Variants in ATP2C2 observed in about 807,000 individuals in gnomAD.
The protein encoded by ATP2C2 is calcium-transporting ATPase type 2C member 2.
In ATP2C2, 171 loss-of-function variants were observed where a neutral mutation model predicts 110.8. That is an observed-to-expected ratio of 1.54 (90% CI 1.36 to 1.75). The LOEUF is 1.75. Among genes scored for constraint, ATP2C2 ranks in the 40% most tolerant of loss-of-function variants. ATP2C2 has a pLI of 0.00. For missense variants in ATP2C2, 1,963 were observed against 1,235.0 expected, an observed-to-expected ratio of 1.59 and a Z score of -8.84; for synonymous variants, 804 against 508.4, an observed-to-expected ratio of 1.58 and a Z score of -7.82.
chr16:84,453,826 GCTAT>G (rs767176863), intron 20 of ATP2C2, among the ~76,000 whole-genome samples: 142 of 151,106 alleles, frequency 9.4e-4, no homozygotes, highest in Non-Finnish European at 1.6e-3. Context: ...TAAAAGAGAA[GCTAT>G]CTTTTTTTTT....
intron 1 of ATP2C2, among the ~76,000 whole-genome samples, chr16:84,381,283 G>C (rs1358910771): frequency 6.6e-6 from 1 of 152,204 alleles, no homozygotes; most frequent in Non-Finnish European, 1.5e-5. Flanking sequence ...AGTGTCATCA[G>C]TTAAGGCTAT....
At chr16:84,453,476 C>T (rs1057098410) in intron 20 of ATP2C2, 105 bp downstream of exon 20, 54 of 1,451,736 alleles carry the variant, frequency 3.7e-5, no homozygotes, top group Middle Eastern at 1.9e-4. Context: ...AGGGCCCGAC[C>T]GTGGCTTCCT....
At chr16:84,394,851 C>T (rs1296847360) in intron 1 of ATP2C2, among the ~76,000 whole-genome samples, 2 of 152,226 alleles carry the variant, frequency 1.3e-5, no homozygotes, top group East Asian at 3.9e-4. Context: ...CATATTTGAC[C>T]TCATCTGACC....
chr16:84,412,560 G>A (rs75880954), intron 6 of ATP2C2, among the ~76,000 whole-genome samples: 72,998 of 151,136 alleles, frequency 0.48, 18,420 homozygotes, highest in Non-Finnish European at 0.56. Flanking sequence ...GTGTGTGTGT[G>A]TGTGTGTGTA....
Position 84,408,444 on chromosome 16 carries a change from C to G in ATP2C2, c.367C>G (p.Leu123Val). Residue 123 changes from leucine to valine, a missense_variant, in exon 4 of 27, where the codon CTG (leucine) becomes GTG (valine). By Grantham distance (32) the Leu-to-Val change is conservative. Coordinates refer to ENST00000262429, the MANE Select transcript of ATP2C2 (RefSeq NM_014861.4). ...PLILLLLGSA[L>V]VSVLTKEYED... ...GATCCTGCTGCTGCTGGGCTCTGCCCTGGTGAGTGTCCTCACCAAGGAGTA... is the reference window on the plus strand; with the variant it reads ...GATCCTGCTGCTGCTGGGCTCTGCCGTGGTGAGTGTCCTCACCAAGGAGTA... 6.2e-7 allele frequency: 1 copy of G among 1,613,900 alleles called. No homozygotes were observed.
intron 20 of ATP2C2, 57 bp from the exon 21 acceptor site, chr16:84,454,761 C>CG: frequency 6.6e-7 from 1 of 1,506,214 alleles, no homozygotes; most frequent in Non-Finnish European, 8.9e-7. Context: ...TGTGCATGGC[C>CG]GGGCACTGGG....
chr16:84,408,257 G>A, intron 3 of ATP2C2, 148 bp from the exon 4 acceptor site: 1 of 687,832 alleles, frequency 1.5e-6, no homozygotes, highest in East Asian at 2.7e-5. Context: ...GCATGGGGGT[G>A]GTCTCCCCAG....
At chr16:84,370,392 G>C (rs1201168654) in intron 1 of ATP2C2, among the ~76,000 whole-genome samples, 3 of 152,224 alleles carry the variant, frequency 2.0e-5, no homozygotes, top group African/African-American at 7.2e-5. Flanking sequence ...CCAAAGGCCA[G>C]CTGAGAAAGA....
At chr16:84,389,349 G>A (rs8048544) in intron 1 of ATP2C2, among the ~76,000 whole-genome samples, 4,790 of 152,242 alleles carry the variant, frequency 0.031, 249 homozygotes, top group African/African-American at 0.11. Context: ...CATCTCCTTC[G>A]TTGTTAGCTG....
At chr16:84,387,444 G>A (rs939229063) in intron 1 of ATP2C2, among the ~76,000 whole-genome samples, 3 of 152,060 alleles carry the variant, frequency 2.0e-5, no homozygotes, top group South Asian at 2.1e-4. Context: ...CCAGGGAGGC[G>A]GAGGTTGCAG....
chr16:84,371,730 G>A (rs1909965585), intron 1 of ATP2C2, among the ~76,000 whole-genome samples: 1 of 152,220 alleles, frequency 6.6e-6, no homozygotes, highest in Non-Finnish European at 1.5e-5. Context: ...CTTCCTGGCT[G>A]GTGAGCAGAT....
intron 13 of ATP2C2, 76 bp from the exon 14 acceptor site, chr16:84,440,781 G>C (rs1909175086): frequency 9.0e-7 from 1 of 1,111,462 alleles, no homozygotes; most frequent in Admixed American, 2.0e-5. Context: ...GGATCCCCAG[G>C]ACAGAGATTG....
intron 11 of ATP2C2, among the ~76,000 whole-genome samples, chr16:84,426,771 T>C (rs1354966960): frequency 6.6e-6 from 1 of 152,110 alleles, no homozygotes; most frequent in East Asian, 1.9e-4. Context: ...AGAGCGGCAA[T>C]GGATGTAGAG....
chr16:84,460,547 C>G (rs1432397837), intron 23 of ATP2C2, 107 bp from the exon 24 acceptor site: 1 of 1,519,720 alleles, frequency 6.6e-7, no homozygotes, highest in East Asian at 2.3e-5. Context: ...ATGCCTGGCC[C>G]TGCCCCCTGT....
chr16:84,459,306 C>A lies in ATP2C2; in HGVS notation c.2253C>A (p.Thr751=), dbSNP rs371639847. The A allele has an allele frequency of 5.0e-6, 8 of 1,614,092 alleles. No homozygotes were observed. In the Admixed American group the frequency reaches 1.0e-4, roughly 20 times the overall value. The stretch of plus-strand genomic sequence containing the variant: ...CCCTGAGTCTCATCACTCTGTCCAC[C>A]GTGTTCAACCTGCCCAGCCCCCTCA... ...ISALSLITLS[T]VFNLPSPLNA... The change falls in exon 23 of 27, where the codon ACC becomes ACA. Residue 751 remains threonine (T), a synonymous_variant. Transcript: ENST00000262429.
At chr16:84,433,377 T>C (rs534738112) in intron 11 of ATP2C2, among the ~76,000 whole-genome samples, 1 of 149,420 alleles carries the variant, frequency 6.7e-6, no homozygotes, top group Admixed American at 6.7e-5. Flanking sequence ...AGCAAGACCC[T>C]ATCTTAAAAA....
Position 84,448,572 on chromosome 16 carries a change from G to C in ATP2C2, c.1543G>C (p.Glu515Gln). 1 of 1,613,644 alleles carries C rather than the reference G, an allele frequency of 6.2e-7. No individual in the cohort carries two copies. Among genetic ancestry groups the C allele is most frequent in the Non-Finnish European group, 8.5e-7 (1 of 1,179,694 alleles). Reference protein sequence around the residue: ...DIYFMKGALEEVIRYCTMYNN... With the variant: ...DIYFMKGALEQVIRYCTMYNN... The stretch of plus-strand genomic sequence containing the variant: ...TTACTTCATGAAAGGGGCCTTGGAA[G>C]AGGTGATCCGCTACTGCACCATGTA... The change falls in exon 17 of 27, where the codon GAG (glutamate) becomes CAG (glutamine). Residue 515 changes from glutamate to glutamine, a missense_variant. Physicochemically the swap from Glu to Gln is conservative, Grantham distance 29. Coordinates refer to ENST00000262429, the MANE Select transcript of ATP2C2 (RefSeq NM_014861.4).
chr16:84,381,364 T>A (rs192384391), intron 1 of ATP2C2, among the ~76,000 whole-genome samples: 1 of 152,132 alleles, frequency 6.6e-6, no homozygotes, highest in East Asian at 1.9e-4. Context: ...ACAGGGGATG[T>A]GATGGCTTGG....
intron 24 of ATP2C2, chr16:84,461,493 T>C: frequency 1.6e-6 from 1 of 610,064 alleles, no homozygotes; most frequent in South Asian, 1.9e-5. Flanking sequence ...ATAGGTGCCC[T>C]GCCCCCATCC....
Sources: allele counts gnomAD v4.1 joint callset (sites outside exome capture counted in the v4.1 genomes callset), GRCh38; gene constraint gnomAD v4.1.1; transcripts MANE v1.5; gene names NCBI Gene and HGNC (gene_info 2026-07-23, HGNC 2026-07-21).